RAB3IP: variants seen among roughly 807,000 people sequenced by gnomAD.
The protein encoded by RAB3IP is rab-3A-interacting protein.
In RAB3IP, 36 loss-of-function variants were observed where a neutral mutation model predicts 59.1. That is an observed-to-expected ratio of 0.61 (90% CI 0.47 to 0.80). RAB3IP has a LOEUF of 0.80. RAB3IP is among the 30% of genes least tolerant of loss of function. The pLI, the probability that RAB3IP is intolerant of heterozygous loss-of-function variation, is 0.00. For synonymous variants in RAB3IP, 207 were observed against 191.2 expected, an observed-to-expected ratio of 1.08 and a Z score of -0.68; for missense variants, 511 against 536.0, an observed-to-expected ratio of 0.95 and a Z score of 0.46.
At chr12:69,753,682 AT>A (rs1439491955) in intron 1 of RAB3IP, among the ~76,000 whole-genome samples, 2 of 152,268 alleles carry the variant, frequency 1.3e-5, no homozygotes, top group East Asian at 3.9e-4. Flanking sequence ...GGAAGATGTT[AT>A]TCACAACTGT....
chr12:69,797,882 C>T (rs183230144), intron 6 of RAB3IP, among the ~76,000 whole-genome samples: 1 of 152,216 alleles, frequency 6.6e-6, no homozygotes, highest in Admixed American at 6.5e-5. Context: ...CATAGTATTC[C>T]ATGGTGTATA....
chr12:69,760,330 G>T (rs138402731), intron 3 of RAB3IP, among the ~76,000 whole-genome samples: 1 of 152,238 alleles, frequency 6.6e-6, no homozygotes, highest in African/African-American at 2.4e-5. Context: ...GATGGCAGCA[G>T]TACAGTCCAG....
chr12:69,795,453 C>T (rs1877297522), intron 6 of RAB3IP, 109 bp downstream of exon 6: 2 of 839,816 alleles, frequency 2.4e-6, no homozygotes, highest in Non-Finnish European at 2.0e-6. Context: ...CAAAATAATG[C>T]AGTATTAAGA....
intron 6 of RAB3IP, among the ~76,000 whole-genome samples, chr12:69,799,679 A>C (rs1294593659): frequency 6.6e-6 from 1 of 152,114 alleles, no homozygotes; most frequent in East Asian, 1.9e-4. Context: ...AATGCCTTCA[A>C]GTTATAGTAG....
chr12:69,800,445 A>G lies in RAB3IP; in HGVS notation c.1017+108A>G, dbSNP rs890202443. On this transcript the variant is annotated intron_variant, in intron 7 of 10. Transcript: ENST00000247833. Reference sequence around the variant, plus strand: ...ATCTCTTACATAAATAAGTTATTATAAAATGTCATGTTTTGCTATTTTTGC... The same window carrying G: ...ATCTCTTACATAAATAAGTTATTATGAAATGTCATGTTTTGCTATTTTTGC... 4.3e-6 allele frequency: 3 copies of G among 691,908 alleles called. No homozygotes were observed. In the East Asian group the frequency reaches 1.0e-4, roughly 24 times the overall value. The allele number at this position is 691,908 out of a possible 1,614,324, so 42.9% of individuals were successfully genotyped here. A position where few individuals can be genotyped will look rare whatever the true frequency, so the allele number is the denominator to read the frequency against.
At chr12:69,807,248 C>T (rs979217873) in intron 8 of RAB3IP, among the ~76,000 whole-genome samples, 4 of 146,778 alleles carry the variant, frequency 2.7e-5, no homozygotes, top group African/African-American at 7.6e-5. Flanking sequence ...GGCAGCCGTG[C>T]AGAGGCGCTC....
At chr12:69,799,149 A>G (rs1306621430) in intron 6 of RAB3IP, among the ~76,000 whole-genome samples, 3 of 152,218 alleles carry the variant, frequency 2.0e-5, no homozygotes, top group Non-Finnish European at 4.4e-5. Flanking sequence ...GATTGCCCTT[A>G]TACACCTTAA....
intron 4 of RAB3IP, among the ~76,000 whole-genome samples, chr12:69,787,331 A>G (rs1199272373): frequency 1.3e-5 from 2 of 152,196 alleles, no homozygotes; most frequent in South Asian, 2.1e-4. Context: ...AAAGCAGTCT[A>G]TATCTTACAT....
chr12:69,761,012 C>T (rs895050038), intron 3 of RAB3IP, among the ~76,000 whole-genome samples: 31 of 152,130 alleles, frequency 2.0e-4, no homozygotes, highest in Non-Finnish European at 1.8e-4. Flanking sequence ...CTCTCCTTTC[C>T]TCTGGATTCC....
chr12:69,786,590 T>C (rs968053241), intron 4 of RAB3IP, among the ~76,000 whole-genome samples: 1 of 152,152 alleles, frequency 6.6e-6, no homozygotes, highest in Non-Finnish European at 1.5e-5. Context: ...TGTAGTGATA[T>C]GGATATTAGG....
intron 1 of RAB3IP, among the ~76,000 whole-genome samples, chr12:69,743,779 A>C (rs962084947): frequency 6.7e-6 from 1 of 148,778 alleles, no homozygotes; most frequent in African/African-American, 2.5e-5. Flanking sequence ...TTACTGTTTC[A>C]TTTCTATCTT....
chr12:69,780,171 C>G (rs1273342407), intron 3 of RAB3IP, among the ~76,000 whole-genome samples: 2 of 152,212 alleles, frequency 1.3e-5, no homozygotes, highest in African/African-American at 4.8e-5. Context: ...CGACCCGAAC[C>G]TGGAAGCCTG....
rs879871859 is a variant in RAB3IP at position 69,760,691 on chromosome 12, A to AT, written c.510+4041dup. On this transcript the variant is annotated intron_variant, in intron 3 of 10. Coordinates refer to ENST00000247833, the MANE Select transcript of RAB3IP (RefSeq NM_022456.5). ...CTGAGTAAAGAATTTAAGATTGATA[A>AT]TTTTTTTTTTTTTGTTACTGTAAAG... Among the ~76,000 whole-genome samples, 1,180 of 145,778 alleles carry AT rather than the reference A, an allele frequency of 8.1e-3. 13 individuals are homozygous for AT. The highest frequency in any genetic ancestry group is 0.025 in the African/African-American group (994 of 40,054).
chr12:69,782,234 G>A (rs190028630), intron 3 of RAB3IP, among the ~76,000 whole-genome samples: 4,497 of 152,052 alleles, frequency 0.03, 84 homozygotes, highest in Middle Eastern at 0.068. Flanking sequence ...GCGCGATCTC[G>A]GCTCACTGCA....
At chr12:69,815,146 T>G (rs931711471) in intron 10 of RAB3IP, among the ~76,000 whole-genome samples, 2 of 152,226 alleles carry the variant, frequency 1.3e-5, no homozygotes, top group Non-Finnish European at 2.9e-5. Context: ...TCTGATGTAT[T>G]TAACAAATAA....
intron 3 of RAB3IP, among the ~76,000 whole-genome samples, chr12:69,772,206 TTTATC>T: frequency 6.6e-6 from 1 of 152,296 alleles, no homozygotes; most frequent in East Asian, 1.9e-4. Context: ...TAAAGTCTGT[TTTATC>T]TAATATAAGT....
intron 3 of RAB3IP, among the ~76,000 whole-genome samples, chr12:69,761,356 G>T (rs956476725): frequency 1.3e-5 from 2 of 152,030 alleles, no homozygotes; most frequent in African/African-American, 4.8e-5. Flanking sequence ...GGCAGATCTG[G>T]GGTGCACATT....
intron 8 of RAB3IP, chr12:69,812,489 A>C (rs966036079): frequency 3.4e-6 from 1 of 297,828 alleles, no homozygotes; most frequent in Non-Finnish European, 6.2e-6. Context: ...CTGATTACTG[A>C]TTTGTAAATT....
intron 1 of RAB3IP, among the ~76,000 whole-genome samples, chr12:69,740,253 G>A (rs1423153392): frequency 2.0e-5 from 3 of 152,052 alleles, no homozygotes; most frequent in Admixed American, 2.0e-4. Flanking sequence ...ATTTGATACT[G>A]TTAAATATTT....
Sources: gnomAD v4.1 joint callset for allele counts (sites outside exome capture counted in the v4.1 genomes callset) on GRCh38, gnomAD v4.1.1 for gene constraint, MANE v1.5 for transcripts, NCBI Gene and HGNC (gene_info 2026-07-23, HGNC 2026-07-21) for gene names.